The following EYA1 variants were observed in gnomAD, a reference collection of about 807,000 sequenced individuals.
EYA1 encodes the protein EYA transcriptional coactivator and phosphatase 1.
A neutral mutation model predicts 82.0 loss-of-function variants in EYA1; 16 were observed. That is an observed-to-expected ratio of 0.20 (90% CI 0.13 to 0.30). The LOEUF is 0.30. EYA1 is among the 10% of genes least tolerant of loss of function. The pLI is 1.00. For synonymous variants in EYA1, 261 were observed against 264.4 expected (o/e 0.99, Z 0.12); for missense variants, 633 against 730.7 (o/e 0.87, Z 1.54).
intron 16 of EYA1, among the ~76,000 whole-genome samples, chr8:71,213,357 T>C (rs1808772130): frequency 6.6e-6 from 1 of 152,244 alleles, no homozygotes; most frequent in South Asian, 2.1e-4. Flanking sequence ...TACTATGGGC[T>C]GCTTCGGCAT....
Position 71,334,510 on chromosome 8 carries a change from G to A in EYA1, c.125-336C>T, listed in dbSNP as rs182189715. Among the ~76,000 whole-genome samples, 13 of 152,164 alleles carry A rather than the reference G, an allele frequency of 8.5e-5. No homozygotes were observed. In the East Asian group the frequency reaches 1.9e-3, roughly 23 times the overall value. On this transcript the variant is annotated intron_variant, in intron 3 of 17. Coordinates refer to ENST00000340726, the MANE Select transcript of EYA1 (RefSeq NM_000503.6). ...GATGTGATATAAAATCATTTCCTGG[G>A]GTTGTGGAAAAAATCTGTTATTTGG...
At chr8:71,474,255 A>C (rs79931601) in intron 2 of EYA1, among the ~76,000 whole-genome samples, 2,644 of 152,144 alleles carry the variant, frequency 0.017, 54 homozygotes, top group African/African-American at 0.061. Context: ...GAAGAAGAAG[A>C]AGAAGCAGAA....
rs1826677525 is a variant in EYA1 at position 71,354,731 on chromosome 8, A to G, written c.124+51T>C. On this transcript the variant is annotated intron_variant, in intron 3 of 17. Coordinates refer to ENST00000340726, the MANE Select transcript of EYA1 (RefSeq NM_000503.6). ...ATAACCACCTAATAACAAAGCATAT[A>G]CTGATGAAGAAACAAGGTGCAAAGT... is the stretch of plus-strand genomic sequence containing the variant. 4 of 1,580,328 alleles carry G rather than the reference A, an allele frequency of 2.5e-6. No individual in the cohort carries two copies. In the African/African-American group the frequency reaches 5.4e-5, roughly 21 times the overall value.
rs1586835885 is a variant in EYA1 at position 71,498,931 on chromosome 8, G to T, written c.33+36813C>A. Among the ~76,000 whole-genome samples the T allele has an allele frequency of 2.6e-5, 4 of 152,218 alleles. No homozygotes were observed. In the Middle Eastern group the frequency reaches 0.014, roughly 518 times the overall value. On this transcript the variant is annotated intron_variant, in intron 2 of 18. Transcript: ENST00000643681. ...AACTGCAAACATCCTCCTGAGGAAG[G>T]CATCCATTAAACTCCCAAACAGAAA...
intron 12 of EYA1, among the ~76,000 whole-genome samples, chr8:71,240,836 G>A (rs975587940): frequency 7.9e-5 from 12 of 152,156 alleles, no homozygotes; most frequent in African/African-American, 2.7e-4. Flanking sequence ...GTATGCTGAA[G>A]GCCTTTCCTC....
chr8:71,398,985 A>G (rs371307617), intron 2 of EYA1, among the ~76,000 whole-genome samples: 122 of 152,302 alleles, frequency 8.0e-4, no homozygotes, highest in Middle Eastern at 6.8e-3. Flanking sequence ...TACTCAAGCC[A>G]CAGCAATGGC....
At chr8:71,508,492 T>C (rs1812361411) in intron 2 of EYA1, among the ~76,000 whole-genome samples, 1 of 152,166 alleles carries the variant, frequency 6.6e-6, no homozygotes, top group South Asian at 2.1e-4. Context: ...TCTAAATGTT[T>C]ATGTCCCCAC....
chr8:71,214,657 T>C (rs1004156618), intron 16 of EYA1, among the ~76,000 whole-genome samples: 3 of 152,226 alleles, frequency 2.0e-5, no homozygotes, highest in South Asian at 2.1e-4. Context: ...CTCTGGACTT[T>C]AGTTTCCTCA....
chr8:71,535,218 G>A (rs1339035497), intron 2 of EYA1, among the ~76,000 whole-genome samples: 2 of 152,192 alleles, frequency 1.3e-5, no homozygotes, highest in Admixed American at 1.3e-4. Context: ...GAAAATCTGC[G>A]AACCCTTTCT....
intron 11 of EYA1, among the ~76,000 whole-genome samples, chr8:71,265,332 G>A (rs1233153424): frequency 6.6e-6 from 1 of 152,034 alleles, no homozygotes; most frequent in South Asian, 2.1e-4. Context: ...AGCACCTTTG[G>A]AGCATTAATG....
chr8:71,296,346 A>G (rs1462287029), intron 9 of EYA1, among the ~76,000 whole-genome samples: 1 of 151,334 alleles, frequency 6.6e-6, no homozygotes, highest in Non-Finnish European at 1.5e-5. Flanking sequence ...AACTTTAAAA[A>G]GGCACAAAAA....
rs111497794 is a variant in EYA1 at position 71,237,308 on chromosome 8, T to G, written c.1140+7295A>C. Among the ~76,000 whole-genome samples the G allele has an allele frequency of 3.3e-5, 5 of 152,258 alleles. 1 individual carries two copies. Among genetic ancestry groups the G allele is most frequent in the African/African-American group, 1.2e-4 (5 of 41,558 alleles). On this transcript the variant is annotated intron_variant, in intron 12 of 17. Coordinates refer to ENST00000340726, the MANE Select transcript of EYA1 (RefSeq NM_000503.6). ...CTCGTGATCCGCCCTGATTGATTAT[T>G]AGAAGTGAAATCCAACATTTTTCGT... is the stretch of plus-strand genomic sequence containing the variant.
chr8:71,241,114 GA>G (rs1812437869), intron 12 of EYA1, among the ~76,000 whole-genome samples: 1 of 152,176 alleles, frequency 6.6e-6, no homozygotes, highest in Non-Finnish European at 1.5e-5. Context: ...CTCTTGGGGG[GA>G]AAATATTATT....
At chr8:71,362,155 C>CTTTTTTT (rs35320129), upstream of EYA1, 550 of 823,554 alleles carry the variant, frequency 6.7e-4, no homozygotes, top group African/African-American at 2.2e-3. Flanking sequence ...TCGGGGCTTT[C>CTTTTTTT]TTTTTTTTTT....
At chr8:71,492,734 G>A (rs528742665) in intron 2 of EYA1, among the ~76,000 whole-genome samples, 1 of 152,228 alleles carries the variant, frequency 6.6e-6, no homozygotes, top group South Asian at 2.1e-4. Context: ...CAAAGTGCTG[G>A]GATTACAGGC....
chr8:71,375,412 G>A (rs2129094020), intron 2 of EYA1, among the ~76,000 whole-genome samples: 1 of 152,184 alleles, frequency 6.6e-6, no homozygotes, highest in Non-Finnish European at 1.5e-5. Context: ...GGCAGGACTG[G>A]CAGTATTTGT....
intron 2 of EYA1, among the ~76,000 whole-genome samples, chr8:71,380,364 T>C (rs978001293): frequency 2.0e-5 from 3 of 152,134 alleles, no homozygotes; most frequent in Admixed American, 2.0e-4. Context: ...TAGCTCATAG[T>C]TTTTATGACT....
At chr8:71,436,586 G>C (rs1234349146) in intron 2 of EYA1, among the ~76,000 whole-genome samples, 1 of 152,154 alleles carries the variant, frequency 6.6e-6, no homozygotes, top group Non-Finnish European at 1.5e-5. Flanking sequence ...GCAGCGGACT[G>C]CGCCTCTCCG....
chr8:71,423,291 A>G (rs1831245206), intron 2 of EYA1, among the ~76,000 whole-genome samples: 2 of 152,042 alleles, frequency 1.3e-5, no homozygotes. Context: ...TACTGTTTTA[A>G]ACATCTGAAA....
Sources: gnomAD v4.1 joint callset for allele counts (sites outside exome capture counted in the v4.1 genomes callset) on GRCh38, gnomAD v4.1.1 for gene constraint, MANE v1.5 for transcripts, NCBI Gene and HGNC (gene_info 2026-07-23, HGNC 2026-07-21) for gene names.